The following CNIH3 variants were observed in gnomAD, a reference collection of about 807,000 sequenced individuals.
The protein encoded by CNIH3 is protein cornichon homolog 3.
CNIH3 carries 14 observed loss-of-function variants against 24.1 expected under a neutral mutation model. The observed-to-expected ratio is 0.58, with a 90% CI of 0.38 to 0.91. The LOEUF is 0.91. Among genes scored for constraint, CNIH3 ranks in the 40% least tolerant of loss-of-function variants. The probability of loss-of-function intolerance (pLI) is 0.00; values close to 1 mark genes in which losing one functional copy is unlikely to be tolerated. For missense variants in CNIH3, 178 were observed against 196.8 expected (o/e 0.90, Z 0.57); for synonymous variants, 68 against 73.8 (o/e 0.92, Z 0.40).
intron 4 of CNIH3, among the ~76,000 whole-genome samples, chr1:224,581,520 C>T (rs1681272705): frequency 6.6e-6 from 1 of 152,160 alleles, no homozygotes; most frequent in South Asian, 2.1e-4. Flanking sequence ...TAATCAGACA[C>T]ATGACAAATT....
chr1:224,699,634 T>C (rs1038550744), intron 3 of CNIH3, among the ~76,000 whole-genome samples: 2 of 152,210 alleles, frequency 1.3e-5, no homozygotes, highest in African/African-American at 2.4e-5. Context: ...TTAGGGTCTA[T>C]AGGGTAAATC....
At chr1:224,495,500 A>C (rs1677401495) in intron 1 of CNIH3, among the ~76,000 whole-genome samples, 1 of 152,184 alleles carries the variant, frequency 6.6e-6, no homozygotes, top group East Asian at 1.9e-4. Context: ...TACAAAGCTG[A>C]GCCAAAATAG....
chr1:224,563,342 T>A (rs1358799160), intron 3 of CNIH3, among the ~76,000 whole-genome samples: 1 of 152,070 alleles, frequency 6.6e-6, no homozygotes, highest in Non-Finnish European at 1.5e-5. Flanking sequence ...ATAAATCGTA[T>A]CACTGTCAGA....
At chr1:224,516,774 AGCAC>A (rs1202456908) in intron 1 of CNIH3, among the ~76,000 whole-genome samples, 2 of 152,224 alleles carry the variant, frequency 1.3e-5, no homozygotes, top group African/African-American at 4.8e-5. Flanking sequence ...TAAACTTTGC[AGCAC>A]GTTTTCTTAC....
intron 1 of CNIH3, among the ~76,000 whole-genome samples, chr1:224,461,250 A>G (rs1378076483): frequency 6.6e-6 from 1 of 151,888 alleles, no homozygotes; most frequent in Non-Finnish European, 1.5e-5. Flanking sequence ...TGACCCACCC[A>G]CCTTTGCCTC....
At chr1:224,580,898 A>C (rs1681248281) in intron 4 of CNIH3, among the ~76,000 whole-genome samples, 1 of 152,192 alleles carries the variant, frequency 6.6e-6, no homozygotes, top group Non-Finnish European at 1.5e-5. Flanking sequence ...AGATAAACAC[A>C]GAGTAGAGAA....
intron 1 of CNIH3, among the ~76,000 whole-genome samples, chr1:224,509,250 G>T (rs1177716036): frequency 6.6e-6 from 1 of 152,234 alleles, no homozygotes; most frequent in Non-Finnish European, 1.5e-5. Flanking sequence ...TTGAACCTGG[G>T]AGGTGGAGGT....
chr1:224,738,153 G>A (rs547672207), intron 5 of CNIH3, among the ~76,000 whole-genome samples: 6 of 152,200 alleles, frequency 3.9e-5, no homozygotes, highest in African/African-American at 1.2e-4. Context: ...CTGAATCCTC[G>A]TGGTTTGTTG....
intron 2 of CNIH3, among the ~76,000 whole-genome samples, chr1:224,524,139 C>T (rs918042617): frequency 1.3e-5 from 2 of 152,196 alleles, no homozygotes; most frequent in African/African-American, 4.8e-5. Context: ...AAATCTGCAC[C>T]ATCTGGAAAT....
At chr1:224,459,528 T>G (rs35067427) in intron 1 of CNIH3, among the ~76,000 whole-genome samples, 42,755 of 152,028 alleles carry the variant, frequency 0.28, 7,440 homozygotes, top group African/African-American at 0.49. Context: ...ATTTCTTCTG[T>G]TAGAACTTTG....
intron 3 of CNIH3, among the ~76,000 whole-genome samples, chr1:224,709,523 G>A (rs1159540355): frequency 6.6e-6 from 1 of 152,198 alleles, no homozygotes; most frequent in Admixed American, 6.5e-5. Flanking sequence ...GAGAGAGAGA[G>A]TATTGAAGAG....
intron 4 of CNIH3, among the ~76,000 whole-genome samples, chr1:224,566,537 C>G (rs966170635): frequency 1.3e-5 from 2 of 152,140 alleles, no homozygotes; most frequent in African/African-American, 4.8e-5. Flanking sequence ...CATCCCCTGA[C>G]AGACCCTGGT....
intron 1 of CNIH3, among the ~76,000 whole-genome samples, chr1:224,506,562 G>A (rs1677928040): frequency 6.6e-6 from 1 of 152,200 alleles, no homozygotes; most frequent in South Asian, 2.1e-4. Flanking sequence ...GGATGAGTGA[G>A]AGCTGAGATT....
intron 3 of CNIH3, among the ~76,000 whole-genome samples, chr1:224,559,797 G>A (rs182988737): frequency 1.3e-5 from 2 of 152,214 alleles, no homozygotes; most frequent in Admixed American, 1.3e-4. Context: ...GGCAAAAATA[G>A]TCTACTGCTA....
chr1:224,512,771 C>T (rs1352391938), upstream of CNIH3, among the ~76,000 whole-genome samples: 2 of 151,960 alleles, frequency 1.3e-5, no homozygotes, highest in Non-Finnish European at 2.9e-5. Context: ...GTCATGGGTA[C>T]GTGCCCTCCC....
At chr1:224,582,890 T>A (rs1681337393) in intron 4 of CNIH3, among the ~76,000 whole-genome samples, 1 of 152,210 alleles carries the variant, frequency 6.6e-6, no homozygotes, top group Non-Finnish European at 1.5e-5. Context: ...CAGACATCTT[T>A]GTTGAGTCCT....
At chr1:224,564,388 T>C (rs1220547425) in intron 3 of CNIH3, among the ~76,000 whole-genome samples, 3 of 152,248 alleles carry the variant, frequency 2.0e-5, no homozygotes, top group Admixed American at 2.0e-4. Context: ...ATAAAATCTA[T>C]TATTTTCAGC....
intron 1 of CNIH3, among the ~76,000 whole-genome samples, chr1:224,673,033 A>T (rs1685946316): frequency 6.6e-6 from 1 of 152,172 alleles, no homozygotes; most frequent in African/African-American, 2.4e-5. Context: ...ATCTCTTTAA[A>T]TATTGCCCCT....
chr1:224,624,388 C>G (rs527471871), intron 1 of CNIH3, among the ~76,000 whole-genome samples: 1 of 152,250 alleles, frequency 6.6e-6, no homozygotes, highest in South Asian at 2.1e-4. Context: ...CAGACCTGTC[C>G]CCCGACACTG....
Sources: allele counts gnomAD v4.1 joint callset (sites outside exome capture counted in the v4.1 genomes callset), GRCh38; gene constraint gnomAD v4.1.1; transcripts MANE v1.5; gene names NCBI Gene and HGNC (gene_info 2026-07-23, HGNC 2026-07-21).